The following GARNL3 variants were observed in gnomAD, a reference collection of about 807,000 sequenced individuals.
The protein encoded by GARNL3 is GTPase-activating Rap/Ran-GAP domain-like protein 3.
Under a neutral mutation model 125.0 loss-of-function variants are expected in GARNL3, and 63 were observed. The observed-to-expected ratio is 0.50, with a 90% CI of 0.41 to 0.62. The LOEUF (loss-of-function observed/expected upper bound fraction) is 0.62. GARNL3 is among the 20% of genes least tolerant of loss of function. The pLI is 0.00. For missense variants in GARNL3, 994 were observed against 1,244.0 expected (o/e 0.80, Z 3.02); for synonymous variants, 439 against 457.5 (o/e 0.96, Z 0.52).
chr9:127,333,575 G>A (rs925550523), intron 9 of GARNL3, among the ~76,000 whole-genome samples: 2 of 152,134 alleles, frequency 1.3e-5, no homozygotes, highest in Non-Finnish European at 2.9e-5. Context: ...CTAATCTGGG[G>A]GATTAAGGAA....
intron 1 of GARNL3, among the ~76,000 whole-genome samples, chr9:127,241,091 G>C (rs1189954594): frequency 6.6e-6 from 1 of 152,198 alleles, no homozygotes; most frequent in African/African-American, 2.4e-5. Context: ...GTAGTGGCTA[G>C]TGGCTACCCA....
At chr9:127,339,925 A>G (rs1045767380) in intron 13 of GARNL3, among the ~76,000 whole-genome samples, 174 bp downstream of exon 13, 2 of 152,042 alleles carry the variant, frequency 1.3e-5, no homozygotes, top group African/African-American at 4.8e-5. Context: ...GTTTTCTCCT[A>G]TGTTTTCATC....
At chr9:127,366,229 G>A (rs1010847968) in intron 22 of GARNL3, among the ~76,000 whole-genome samples, 15 of 152,222 alleles carry the variant, frequency 9.9e-5, no homozygotes, top group Non-Finnish European at 2.1e-4. Flanking sequence ...TATTAGAAGA[G>A]AAGGTTGTTT....
At position 127,385,085 on chromosome 9, in the gene GARNL3, G is replaced by T; in HGVS notation, c.2328G>T (p.Val776=). The change falls in exon 24 of 28, where the codon GTG becomes GTT. Residue 776 remains valine (V), a synonymous_variant. Transcript: ENST00000373387. The surrounding 1 kb of genome is among the most constrained non-coding windows in gnomAD (Gnocchi z 4.1). ...FTTDSMEIRL[V]VNGNLVHTAV... is the part of the protein sequence containing the mutation. Reference sequence around the variant, plus strand: ...CCGACTCCATGGAGATCCGCCTGGTGGTGAACGGGAACCTGGTCCACACTG... The same window carrying T: ...CCGACTCCATGGAGATCCGCCTGGTTGTGAACGGGAACCTGGTCCACACTG... The T allele has an allele frequency of 6.2e-7, 1 of 1,613,068 alleles. No individual in the cohort carries two copies. The highest frequency in any genetic ancestry group is 1.1e-5 in the South Asian group (1 of 90,802).
chr9:127,324,512 TC>T (rs1440095305), intron 6 of GARNL3, among the ~76,000 whole-genome samples: 1 of 152,118 alleles, frequency 6.6e-6, no homozygotes, highest in African/African-American at 2.4e-5. Context: ...TCCTTCCCAC[TC>T]CGTTCAGCCA....
chr9:127,257,123 T>G (rs557330963), intron 2 of GARNL3, among the ~76,000 whole-genome samples: 1 of 152,372 alleles, frequency 6.6e-6, no homozygotes, highest in South Asian at 2.1e-4. Flanking sequence ...TTTTAATTGC[T>G]CAATAGTATT....
intron 1 of GARNL3, among the ~76,000 whole-genome samples, chr9:127,282,145 C>G (rs2064122465): frequency 6.6e-6 from 1 of 152,060 alleles, no homozygotes; most frequent in African/African-American, 2.4e-5. Flanking sequence ...ATTTGCAGTC[C>G]TCTAGGGCAG....
chr9:127,386,465 C>T (rs1277360969), intron 24 of GARNL3, among the ~76,000 whole-genome samples: 3 of 152,192 alleles, frequency 2.0e-5, no homozygotes, highest in African/African-American at 4.8e-5. Flanking sequence ...GCCAGCGTGA[C>T]GCCACTGCAG....
Position 127,291,518 on chromosome 9 carries a change from C to A in GARNL3, c.219+276C>A, listed in dbSNP as rs539224389. ...ATTCTGCCACCCTCTGTGAATGGTC[C>A]CGAGTCCCAGTACTTCCTCTGCCAG... On this transcript the variant is annotated intron_variant, in intron 2 of 27. Coordinates refer to ENST00000373387, the MANE Select transcript of GARNL3 (RefSeq NM_032293.5). Among the ~76,000 whole-genome samples the A allele has an allele frequency of 3.3e-5, 5 of 152,290 alleles. No homozygotes were observed. In the East Asian group the frequency reaches 5.8e-4, roughly 18 times the overall value.
chr9:127,316,586 A>AT (rs2065245936), intron 4 of GARNL3, among the ~76,000 whole-genome samples: 1 of 152,088 alleles, frequency 6.6e-6, no homozygotes, highest in Admixed American at 6.5e-5. Flanking sequence ...GTGTATTTCT[A>AT]TCGTAATATT....
rs750240827 is a variant in GARNL3 at position 127,385,062 on chromosome 9, G to C, written c.2305G>C (p.Asp769His). The change falls in exon 24 of 28, where the codon GAC (aspartate) becomes CAC (histidine). Residue 769 changes from aspartate to histidine, a missense_variant. Asp to His is a moderately conservative substitution (Grantham distance 81, BLOSUM62 -1). This residue lies in a region of GARNL3 where 728 missense variants were observed against 865.7 expected (regional missense o/e 0.84). Transcript: ENST00000373387. The surrounding 1 kb of genome is among the most constrained non-coding windows in gnomAD (Gnocchi z 4.1). The part of the protein sequence containing the change: ...AFPYLLAFTT[D>H]SMEIRLVVNG... ...CCCGTATCTCCTGGCCTTCACCACC[G>C]ACTCCATGGAGATCCGCCTGGTGGT... The C allele has an allele frequency of 1.2e-6, 2 of 1,611,750 alleles. No homozygotes were observed. Among genetic ancestry groups the C allele is most frequent in the South Asian group, 2.2e-5 (2 of 90,630 alleles).
chr9:127,261,204 T>C (rs2063581558), upstream of GARNL3, among the ~76,000 whole-genome samples: 1 of 151,804 alleles, frequency 6.6e-6, no homozygotes, highest in Non-Finnish European at 1.5e-5. Flanking sequence ...TGCAGTGAGC[T>C]GAGACTGTGC....
chr9:127,371,996 G>A (rs113938236), intron 22 of GARNL3, among the ~76,000 whole-genome samples: 7 of 152,258 alleles, frequency 4.6e-5, no homozygotes, highest in Non-Finnish European at 7.4e-5. Flanking sequence ...TCAGTGGCGC[G>A]ATTTTGGCTC....
chr9:127,341,996 TTAC>T (rs1829885616), intron 13 of GARNL3, among the ~76,000 whole-genome samples: 2 of 151,996 alleles, frequency 1.3e-5, no homozygotes, highest in African/African-American at 4.8e-5. Flanking sequence ...AACTCTGAGA[TTAC>T]AGGAGATGGC....
At chr9:127,286,842 AT>A (rs2064263095) in intron 1 of GARNL3, among the ~76,000 whole-genome samples, 1 of 152,120 alleles carries the variant, frequency 6.6e-6, no homozygotes, top group South Asian at 2.1e-4. Context: ...ATTCTTCCTT[AT>A]TGGGTGTATT....
chr9:127,300,154 A>G (rs1002449214), intron 2 of GARNL3: 11 of 325,704 alleles, frequency 3.4e-5, no homozygotes, highest in African/African-American at 2.4e-4. Flanking sequence ...GTTTTCCTGA[A>G]TAACATCAAT....
chr9:127,374,339 C>G (rs960004114), intron 22 of GARNL3, among the ~76,000 whole-genome samples: 9 of 151,942 alleles, frequency 5.9e-5, no homozygotes, highest in Non-Finnish European at 1.0e-4. Context: ...AAAGACTCCT[C>G]TCACATCAGA....
At chr9:127,370,433 T>TGAAAA (rs148038061) in intron 22 of GARNL3, among the ~76,000 whole-genome samples, 3,565 of 152,224 alleles carry the variant, frequency 0.023, 132 homozygotes, top group East Asian at 0.16. Flanking sequence ...GCAGATGGCA[T>TGAAAA]GAAAAGAAGG....
chr9:127,352,977 G>A (rs1400996405), intron 17 of GARNL3, among the ~76,000 whole-genome samples: 1 of 152,132 alleles, frequency 6.6e-6, no homozygotes, highest in Admixed American at 6.5e-5. Context: ...CCCTGATTCT[G>A]CCATCCATCT....
Sources: allele counts gnomAD v4.1 joint callset (sites outside exome capture counted in the v4.1 genomes callset), GRCh38; gene constraint gnomAD v4.1.1; regional missense constraint gnomAD v4.1.1; non-coding constraint Gnocchi (gnomAD v3.1); transcripts MANE v1.5; gene names NCBI Gene and HGNC (gene_info 2026-07-23, HGNC 2026-07-21).